CNTN4: variants seen among roughly 807,000 people sequenced by gnomAD.
CNTN4 encodes the protein contactin-4.
CNTN4 carries 77 observed loss-of-function variants against 122.5 expected under a neutral mutation model. That is an observed-to-expected ratio of 0.63 (90% CI 0.52 to 0.76). The LOEUF is 0.76. Among genes scored for constraint, CNTN4 ranks in the 30% least tolerant of loss-of-function variants. The pLI is 0.00. For synonymous variants in CNTN4, 512 were observed against 447.0 expected, an observed-to-expected ratio of 1.15 and a Z score of -1.83; for missense variants, 1,256 against 1,259.1, an observed-to-expected ratio of 1.00 and a Z score of 0.04.
intron 2 of CNTN4, among the ~76,000 whole-genome samples, chr3:2,182,887 G>A (rs1395617626): frequency 2.6e-5 from 4 of 151,432 alleles, no homozygotes; most frequent in African/African-American, 4.9e-5. Context: ...GTTCCTAACA[G>A]CAGGTGCTCT....
In CNTN4 at chr3:2,778,318, T is replaced by TGATACAATTGTTTTTAAGAGAAAACCAC. The variant is rs879318090; in HGVS notation, c.358+32635_358+32636insTAAGAGAAAACCACGATACAATTGTTTT. ...TCCATGTATGTATAAGAGAAAACCA[T>TGATACAATTGTTTTTAAGAGAAAACCAC]GATACAATTGTTTTAAAGATCTTGA... On this transcript the variant is annotated intron_variant, in intron 6 of 24. Coordinates refer to ENST00000418658, the MANE Select transcript of CNTN4 (RefSeq NM_175607.3). 2.4e-3 allele frequency among the ~76,000 whole-genome samples: 372 copies of TGATACAATTGTTTTTAAGAGAAAACCAC among 152,132 alleles called. 1 individual carries two copies. The highest frequency in any genetic ancestry group is 4.3e-3 in the Non-Finnish European group (290 of 67,922).
chr3:2,637,156 G>C (rs2082697025), intron 4 of CNTN4, among the ~76,000 whole-genome samples: 1 of 151,844 alleles, frequency 6.6e-6, no homozygotes, highest in Non-Finnish European at 1.5e-5. Context: ...TAGCCAGGCT[G>C]TTCTTGAGCT....
intron 12 of CNTN4, among the ~76,000 whole-genome samples, chr3:2,905,989 A>G (rs2094226949): frequency 6.6e-6 from 1 of 152,264 alleles, no homozygotes; most frequent in Non-Finnish European, 1.5e-5. Context: ...TGAACACAGT[A>G]GAATACTATG....
intron 4 of CNTN4, among the ~76,000 whole-genome samples, chr3:2,639,667 A>G (rs2082817939): frequency 6.6e-6 from 1 of 152,246 alleles, no homozygotes. Context: ...TATTTATTAA[A>G]TGAATGAATT....
intron 11 of CNTN4, among the ~76,000 whole-genome samples, chr3:2,902,227 A>C (rs2094182136): frequency 6.6e-6 from 1 of 152,158 alleles, no homozygotes; most frequent in African/African-American, 2.4e-5. Context: ...AAATTGACAC[A>C]TAAGTTGTAT....
chr3:2,246,750 A>G (rs1230908792), intron 2 of CNTN4, among the ~76,000 whole-genome samples: 1 of 151,966 alleles, frequency 6.6e-6, no homozygotes, highest in Non-Finnish European at 1.5e-5. Flanking sequence ...AATTGTTCTA[A>G]TAGAAGATGA....
At chr3:2,374,794 A>C (rs1180427918) in intron 3 of CNTN4, among the ~76,000 whole-genome samples, 1 of 152,228 alleles carries the variant, frequency 6.6e-6, no homozygotes, top group African/African-American at 2.4e-5. Context: ...TGAATGTTTA[A>C]ATTTTCATTT....
chr3:2,698,965 G>A (rs2086202470), intron 4 of CNTN4, among the ~76,000 whole-genome samples: 1 of 152,058 alleles, frequency 6.6e-6, no homozygotes, highest in African/African-American at 2.4e-5. Context: ...GGAGGTTGCA[G>A]TGAGCCGAGA....
At chr3:2,444,506 G>A (rs1230121786) in intron 3 of CNTN4, among the ~76,000 whole-genome samples, 1 of 152,174 alleles carries the variant, frequency 6.6e-6, no homozygotes, top group Non-Finnish European at 1.5e-5. Context: ...AACCAGTGAC[G>A]CTAAGAGTGG....
chr3:2,564,292 A>T (rs1169902397), intron 3 of CNTN4, among the ~76,000 whole-genome samples: 3 of 152,198 alleles, frequency 2.0e-5, no homozygotes, highest in African/African-American at 7.2e-5. Flanking sequence ...AAAAATTACA[A>T]TAAGTGATTA....
At chr3:2,999,126 T>C (rs1695803165) in intron 14 of CNTN4, 1 of 152,224 alleles carries the variant, frequency 6.6e-6, no homozygotes, top group South Asian at 2.1e-4. Flanking sequence ...GATCTGTAAA[T>C]AAATATCCTT....
At chr3:2,771,698 G>A (rs1445929369) in intron 6 of CNTN4, among the ~76,000 whole-genome samples, 1 of 152,162 alleles carries the variant, frequency 6.6e-6, no homozygotes, top group Non-Finnish European at 1.5e-5. Context: ...TCTGAAAGGA[G>A]TAAAAATAAA....
chr3:2,692,381 C>T (rs1416193633), intron 4 of CNTN4, among the ~76,000 whole-genome samples: 2 of 152,054 alleles, frequency 1.3e-5, no homozygotes, highest in Non-Finnish European at 2.9e-5. Context: ...TTCCTGCCAG[C>T]CTACTTTCTC....
chr3:2,140,686 A>G (rs2034948291), intron 2 of CNTN4, among the ~76,000 whole-genome samples: 1 of 152,202 alleles, frequency 6.6e-6, no homozygotes, highest in African/African-American at 2.4e-5. Context: ...GGGGAACATA[A>G]ACATTCAGAC....
At chr3:2,834,898 C>CTTTTTTTTTTTTTTCTTTTT (rs60033461) in intron 7 of CNTN4, among the ~76,000 whole-genome samples, 5 of 60,460 alleles carry the variant, frequency 8.3e-5, no homozygotes, top group African/African-American at 3.0e-4. Context: ...TAAAGGCAAC[C>CTTTTTTTTTTTTTTCTTTTT]TTTTTTTTTT....
intron 6 of CNTN4, among the ~76,000 whole-genome samples, chr3:2,818,821 A>G (rs540910157): frequency 1.6e-4 from 24 of 152,264 alleles, no homozygotes; most frequent in Admixed American, 1.6e-3. Flanking sequence ...CCTTCTAAAT[A>G]TTTCAAACTA....
intron 3 of CNTN4, among the ~76,000 whole-genome samples, chr3:2,413,834 C>T (rs2047315896): frequency 6.6e-6 from 1 of 152,178 alleles, no homozygotes; most frequent in Non-Finnish European, 1.5e-5. Flanking sequence ...AGCCACTGCG[C>T]CCGGCCCATG....
intron 2 of CNTN4, among the ~76,000 whole-genome samples, chr3:2,191,262 T>G (rs191070963): frequency 5.4e-4 from 82 of 151,952 alleles, no homozygotes; most frequent in Non-Finnish European, 1.0e-3. Context: ...TGGCTTTTTT[T>G]TTTTTGGCAT....
intron 2 of CNTN4, among the ~76,000 whole-genome samples, chr3:2,119,203 C>T (rs914212144): frequency 2.0e-5 from 3 of 152,204 alleles, no homozygotes; most frequent in Non-Finnish European, 1.5e-5. Context: ...CTCTTCATTG[C>T]TTGTCCAGTC....
Sources: allele counts gnomAD v4.1 joint callset (sites outside exome capture counted in the v4.1 genomes callset), GRCh38; gene constraint gnomAD v4.1.1; transcripts MANE v1.5; gene names NCBI Gene and HGNC (gene_info 2026-07-23, HGNC 2026-07-21).